Variants in DPP6 observed in about 807,000 individuals in gnomAD.
The protein encoded by DPP6 is dipeptidyl peptidase like 6.
Under a neutral mutation model 122.6 loss-of-function variants are expected in DPP6, and 69 were observed. That is an observed-to-expected ratio of 0.56 (90% CI 0.46 to 0.69). DPP6 has a LOEUF of 0.69. DPP6 is among the 30% of genes least tolerant of loss of function. The pLI is 0.00. For synonymous variants in DPP6, 418 were observed against 433.1 expected, an observed-to-expected ratio of 0.97 and a Z score of 0.43; for missense variants, 928 against 1,116.9, an observed-to-expected ratio of 0.83 and a Z score of 2.41.
At position 154,241,750 on chromosome 7, in the gene DPP6, ATGTTT is replaced by A. The variant is rs2150876100; in HGVS notation, c.243+188689_243+188693del. Reference sequence around the variant, plus strand: ...ACGTGTCTAACCTGTTTCCCATATTATGTTTTAAGTTTAAAAAGATTGTCTGCCGA... The same window carrying A: ...ACGTGTCTAACCTGTTTCCCATATTATAAGTTTAAAAAGATTGTCTGCCGA... On this transcript the variant is annotated intron_variant, in intron 1 of 25. Coordinates refer to ENST00000377770, the MANE Select transcript of DPP6 (RefSeq NM_130797.4). The surrounding 1 kb of genome is among the most constrained non-coding windows in gnomAD (Gnocchi z 9.0). Among the ~76,000 whole-genome samples, 1 of 152,238 alleles carries A rather than the reference ATGTTT, an allele frequency of 6.6e-6. No homozygotes were observed. Among genetic ancestry groups the A allele is most frequent in the South Asian group, 2.1e-4 (1 of 4,828 alleles).
chr7:153,891,521 C>T (rs1799203919), intron 1 of DPP6, among the ~76,000 whole-genome samples: 1 of 151,852 alleles, frequency 6.6e-6, no homozygotes, highest in Non-Finnish European at 1.5e-5. Context: ...TTCAGAGTTC[C>T]AAGGGAGGCT....
At position 154,754,034 on chromosome 7, in the gene DPP6, TAA is replaced by T. The variant is rs35297085; in HGVS notation, c.884-15374_884-15373del. Among the ~76,000 whole-genome samples, 862 of 149,944 alleles carry T rather than the reference TAA, an allele frequency of 5.7e-3. 10 individuals are homozygous for T. Among genetic ancestry groups the T allele is most frequent in the African/African-American group, 0.02 (835 of 41,258 alleles). Reference sequence around the variant, plus strand: ...ATTTACAATTAATTAACCTTCCCCTTAAAAAAAAAACTGGAGACCTAATTTCC... The same window carrying T: ...ATTTACAATTAATTAACCTTCCCCTTAAAAAAAACTGGAGACCTAATTTCC... On this transcript the variant is annotated intron_variant, in intron 8 of 25. Coordinates refer to ENST00000377770, the MANE Select transcript of DPP6 (RefSeq NM_130797.4).
At chr7:153,826,664 T>A in the DPP6 span, among the ~76,000 whole-genome samples, 1 of 152,212 alleles carries the variant, frequency 6.6e-6, no homozygotes, top group African/African-American at 2.4e-5. Context: ...ATTATCACCC[T>A]GATTAAAAAT....
intron 1 of DPP6, among the ~76,000 whole-genome samples, chr7:154,263,679 TTTATTATTATTA>T (rs76986438): frequency 1.3e-5 from 2 of 151,444 alleles, no homozygotes; most frequent in Non-Finnish European, 2.9e-5. Context: ...TTATGTTCTT[TTTATTATTATTA>T]TTATTATTAT....
chr7:153,936,528 C>T (rs991135282), intron 1 of DPP6, among the ~76,000 whole-genome samples: 4 of 152,048 alleles, frequency 2.6e-5, no homozygotes, highest in African/African-American at 4.8e-5. Context: ...GAGGAATAGC[C>T]GGGCGTGGTG....
At chr7:154,164,802 C>G (rs1407343672) in intron 1 of DPP6, among the ~76,000 whole-genome samples, 1 of 152,096 alleles carries the variant, frequency 6.6e-6, no homozygotes, top group East Asian at 1.9e-4. Context: ...AACTCCATTC[C>G]TTTTTATGGC....
chr7:154,165,080 T>C (rs2040496641), intron 1 of DPP6, among the ~76,000 whole-genome samples: 2 of 151,382 alleles, frequency 1.3e-5, no homozygotes, highest in Admixed American at 1.3e-4. Flanking sequence ...TATGTATACA[T>C]GTGCCATGCT....
chr7:154,451,654 A>T (rs1820392244), intron 2 of DPP6, among the ~76,000 whole-genome samples: 1 of 152,216 alleles, frequency 6.6e-6, no homozygotes, highest in African/African-American at 2.4e-5. Context: ...AGTTGCTGGG[A>T]ACTCTTCTCC....
intron 5 of DPP6, among the ~76,000 whole-genome samples, chr7:154,633,809 T>C (rs1835552512): frequency 6.6e-6 from 1 of 152,116 alleles, no homozygotes. Flanking sequence ...AGGAGAAAAT[T>C]GTTTCTCTTC....
At chr7:154,810,943 T>C (rs1799021913) in intron 16 of DPP6, among the ~76,000 whole-genome samples, 1 of 152,350 alleles carries the variant, frequency 6.6e-6, no homozygotes, top group East Asian at 1.9e-4. Context: ...TAATCCAGTC[T>C]CCACCCTGCC....
intron 1 of DPP6, among the ~76,000 whole-genome samples, chr7:154,254,868 T>G (rs562423466): frequency 6.6e-6 from 1 of 152,110 alleles, no homozygotes; most frequent in Non-Finnish European, 1.5e-5. Flanking sequence ...GGTAGGACAA[T>G]GAGCATGTTG....
chr7:154,336,408 G>A (rs1032248491), intron 1 of DPP6, among the ~76,000 whole-genome samples: 4 of 152,120 alleles, frequency 2.6e-5, no homozygotes, highest in African/African-American at 9.7e-5. Flanking sequence ...TGAGAGGAGT[G>A]GTGATAGCAG....
At chr7:154,053,112 G>A (rs1800505626) in intron 1 of DPP6, 49 bp downstream of exon 1, 1 of 1,053,992 alleles carries the variant, frequency 9.5e-7, no homozygotes, top group South Asian at 4.4e-5. Context: ...TCCGGGCTGA[G>A]CGCGCAGCGA....
chr7:154,530,595 G>A (rs902471708), intron 3 of DPP6, among the ~76,000 whole-genome samples: 1 of 152,172 alleles, frequency 6.6e-6, no homozygotes, highest in African/African-American at 2.4e-5. Context: ...GATTCCTCAA[G>A]ATCTAGAAGC....
chr7:154,030,743 C>T lies in DPP6; in HGVS notation c.51+143009C>T, dbSNP rs142426374. Among the ~76,000 whole-genome samples the T allele has an allele frequency of 4.0e-3, 610 of 152,198 alleles. 9 individuals are homozygous for T. Among genetic ancestry groups the T allele is most frequent in the African/African-American group, 0.014 (594 of 41,500 alleles). On this transcript the variant is annotated intron_variant, in intron 1 of 25. Transcript: ENST00000404039. ...CTGGGAGATTCAGCGTCTGGACTTCCCCACTCCCAGCCATAGGAAAACCTT... is the reference window on the plus strand; with the variant it reads ...CTGGGAGATTCAGCGTCTGGACTTCTCCACTCCCAGCCATAGGAAAACCTT...
chr7:153,932,369 C>T (rs761456210), intron 1 of DPP6, among the ~76,000 whole-genome samples: 1 of 152,102 alleles, frequency 6.6e-6, no homozygotes, highest in Non-Finnish European at 1.5e-5. Flanking sequence ...GATCTACCCA[C>T]TCCTCGGCCT....
At chr7:153,881,810 A>C in the DPP6 span, among the ~76,000 whole-genome samples, 1 of 152,150 alleles carries the variant, frequency 6.6e-6, no homozygotes, top group Admixed American at 6.5e-5. Context: ...CCTAATGGCT[A>C]AATTTGTATT....
At chr7:153,993,524 A>G (rs2129043199) in intron 1 of DPP6, among the ~76,000 whole-genome samples, 1 of 152,344 alleles carries the variant, frequency 6.6e-6, no homozygotes, top group Non-Finnish European at 1.5e-5. Flanking sequence ...GCAAATGACA[A>G]CAAACCACAG....
intron 7 of DPP6, among the ~76,000 whole-genome samples, chr7:154,673,867 C>A (rs1034734279): frequency 1.3e-5 from 2 of 151,180 alleles, no homozygotes; most frequent in Non-Finnish European, 2.9e-5. Context: ...CTGAGATTTC[C>A]TCCATGTTTC....
Sources: allele counts gnomAD v4.1 joint callset (sites outside exome capture counted in the v4.1 genomes callset), GRCh38; gene constraint gnomAD v4.1.1; non-coding constraint Gnocchi (gnomAD v3.1); transcripts MANE v1.5; gene names NCBI Gene and HGNC (gene_info 2026-07-23, HGNC 2026-07-21).